The following FOXP2 variants were observed in gnomAD, a reference collection of about 807,000 sequenced individuals.
FOXP2 encodes the protein forkhead box protein P2.
In FOXP2, 12 loss-of-function variants were observed where a neutral mutation model predicts 115.8. The observed-to-expected ratio is 0.10, with a 90% CI of 0.07 to 0.17. The LOEUF is 0.17. Among genes scored for constraint, FOXP2 ranks in the 10% least tolerant of loss-of-function variants. FOXP2 has a pLI of 1.00. For missense variants in FOXP2, 629 were observed against 843.5 expected (o/e 0.75, Z 3.15); for synonymous variants, 328 against 297.7 (o/e 1.10, Z -1.05).
chr7:114,165,363 T>A (rs1355788982), intron 1 of FOXP2, among the ~76,000 whole-genome samples: 1 of 152,204 alleles, frequency 6.6e-6, no homozygotes, highest in Non-Finnish European at 1.5e-5. Flanking sequence ...ATGCCATGAT[T>A]GTCTGTATAG....
chr7:114,280,335 T>C (rs1233535493), intron 1 of FOXP2, among the ~76,000 whole-genome samples: 1 of 152,120 alleles, frequency 6.6e-6, no homozygotes, highest in East Asian at 1.9e-4. Flanking sequence ...TCTTTTCCTC[T>C]TTCCAATTTT....
intron 2 of FOXP2, among the ~76,000 whole-genome samples, chr7:114,481,129 T>C (rs1179315217): frequency 6.7e-6 from 1 of 150,228 alleles, no homozygotes; most frequent in African/African-American, 2.5e-5. Flanking sequence ...TTATTTTAAC[T>C]CAACAAGTTT....
chr7:114,443,953 G>T (rs966085011), intron 2 of FOXP2, among the ~76,000 whole-genome samples: 8 of 152,098 alleles, frequency 5.3e-5, no homozygotes, highest in African/African-American at 1.9e-4. Flanking sequence ...TGGTATTGCT[G>T]GATCAAATGG....
At chr7:114,269,678 A>G (rs1211181474) in intron 1 of FOXP2, among the ~76,000 whole-genome samples, 2 of 152,154 alleles carry the variant, frequency 1.3e-5, no homozygotes, top group South Asian at 2.1e-4. Context: ...TGATTCTACT[A>G]TTGTGAGTCT....
intron 14 of FOXP2, among the ~76,000 whole-genome samples, chr7:114,663,071 T>C (rs1443817995): frequency 1.3e-5 from 2 of 152,196 alleles, no homozygotes; most frequent in Admixed American, 6.6e-5. Context: ...AAATTAACCA[T>C]TAATTATTTC....
At chr7:114,644,944 A>G in intron 8 of FOXP2, 155 bp downstream of exon 8, 2 of 599,942 alleles carry the variant, frequency 3.3e-6, no homozygotes, top group Non-Finnish European at 5.9e-6. Flanking sequence ...TGGATTAGTA[A>G]GATCAGGCTT....
intron 1 of FOXP2, among the ~76,000 whole-genome samples, chr7:114,245,494 C>T (rs1228208212): frequency 3.3e-5 from 5 of 152,160 alleles, no homozygotes; most frequent in Admixed American, 6.5e-5. Context: ...GTTGAGGAAG[C>T]TGTATCTATA....
At chr7:114,672,501 C>A (rs1375374052) in intron 16 of FOXP2, among the ~76,000 whole-genome samples, 4 of 152,016 alleles carry the variant, frequency 2.6e-5, no homozygotes, top group Non-Finnish European at 5.9e-5. Flanking sequence ...AGGAGAATCG[C>A]TTGAACCCAG....
At chr7:114,321,453 C>T (rs996793229) in intron 2 of FOXP2, among the ~76,000 whole-genome samples, 2 of 152,080 alleles carry the variant, frequency 1.3e-5, no homozygotes, top group Admixed American at 1.3e-4. Flanking sequence ...CTGCCTCAGC[C>T]TCCCAAAGTG....
intron 1 of FOXP2, among the ~76,000 whole-genome samples, chr7:114,280,514 T>C (rs976906782): frequency 8.5e-5 from 13 of 152,158 alleles, no homozygotes; most frequent in Non-Finnish European, 1.6e-4. Context: ...TTAATAGCTC[T>C]CATAATTATT....
intron 2 of FOXP2, among the ~76,000 whole-genome samples, chr7:114,301,844 C>G (rs1020810172): frequency 6.6e-6 from 1 of 152,034 alleles, no homozygotes; most frequent in African/African-American, 2.4e-5. Flanking sequence ...TGAGTATTTC[C>G]CCTGACTTCC....
chr7:114,151,124 G>A (rs1415181268), intron 1 of FOXP2, among the ~76,000 whole-genome samples: 3 of 151,838 alleles, frequency 2.0e-5, no homozygotes, highest in South Asian at 2.1e-4. Flanking sequence ...AAACAAAAAG[G>A]GAAACGGGAA....
intron 3 of FOXP2, among the ~76,000 whole-genome samples, chr7:114,590,896 G>A (rs947288714): frequency 6.6e-6 from 1 of 151,962 alleles, no homozygotes; most frequent in African/African-American, 2.4e-5. Context: ...AGGATAATGT[G>A]ATTATACTAC....
At chr7:114,637,036 T>C (rs1002427370) in intron 6 of FOXP2, among the ~76,000 whole-genome samples, 66 of 152,186 alleles carry the variant, frequency 4.3e-4, no homozygotes, top group Admixed American at 4.1e-3. Flanking sequence ...TAGCTGAGCA[T>C]GATGACGTAT....
intron 2 of FOXP2, among the ~76,000 whole-genome samples, chr7:114,299,804 G>A (rs1420894373): frequency 6.6e-6 from 1 of 151,946 alleles, no homozygotes; most frequent in Non-Finnish European, 1.5e-5. Context: ...AGCTTTAATA[G>A]GGAAAACAGG....
intron 1 of FOXP2, among the ~76,000 whole-genome samples, chr7:114,232,769 T>C (rs1794914851): frequency 6.7e-6 from 1 of 149,786 alleles, no homozygotes; most frequent in Non-Finnish European, 1.5e-5. Context: ...GCCGAGATCA[T>C]GCCATTGCGC....
At chr7:114,678,026 C>G (rs1563074845) in intron 16 of FOXP2, among the ~76,000 whole-genome samples, 2 of 152,110 alleles carry the variant, frequency 1.3e-5, no homozygotes, top group African/African-American at 2.4e-5. Flanking sequence ...GAGTTGCAAA[C>G]AAATTGTGAA....
At chr7:114,161,864 C>T (rs1481943188), upstream of FOXP2, among the ~76,000 whole-genome samples, 1 of 152,044 alleles carries the variant, frequency 6.6e-6, no homozygotes, top group Non-Finnish European at 1.5e-5. Flanking sequence ...CTCACTACAG[C>T]CTTTGCCTCC....
chr7:114,675,442 T>G (rs537047920), intron 16 of FOXP2, among the ~76,000 whole-genome samples: 1 of 152,292 alleles, frequency 6.6e-6, no homozygotes, highest in Admixed American at 6.5e-5. Flanking sequence ...GAAAAGACAT[T>G]TAAATAATCC....
Sources: allele counts gnomAD v4.1 joint callset (sites outside exome capture counted in the v4.1 genomes callset), GRCh38; gene constraint gnomAD v4.1.1; transcripts MANE v1.5; gene names NCBI Gene and HGNC (gene_info 2026-07-23, HGNC 2026-07-21).